Variants in TEX14 observed in about 807,000 individuals in gnomAD.
TEX14 encodes testis expressed 14, intercellular bridge forming factor.
Under a neutral mutation model 178.6 loss-of-function variants are expected in TEX14, and 168 were observed. The observed-to-expected ratio is 0.94, with a 90% confidence interval of 0.83 to 1.07. The LOEUF (loss-of-function observed/expected upper bound fraction) is 1.07. Ranked by LOEUF, TEX14 falls within the 50% of genes least tolerant of loss-of-function variation. TEX14 has a pLI of 0.00. For missense variants in TEX14, 1,730 were observed against 1,753.6 expected, an observed-to-expected ratio of 0.99 and a Z score of 0.24; for synonymous variants, 626 against 634.1, an observed-to-expected ratio of 0.99 and a Z score of 0.19.
chr17:58,632,555 T>C (rs2046346261), intron 2 of TEX14, among the ~76,000 whole-genome samples: 1 of 152,144 alleles, frequency 6.6e-6, no homozygotes, highest in East Asian at 1.9e-4. Flanking sequence ...AGCTTCCCAT[T>C]TGTTAAGGTA....
At chr17:58,562,515 T>C (rs1184109135) in intron 28 of TEX14, among the ~76,000 whole-genome samples, 2 of 151,818 alleles carry the variant, frequency 1.3e-5, no homozygotes. Flanking sequence ...TAATTTTCTT[T>C]TTTTTTTTTG....
At chr17:58,629,362 G>A (rs1253770573) in intron 3 of TEX14, among the ~76,000 whole-genome samples, 1 of 151,402 alleles carries the variant, frequency 6.6e-6, no homozygotes, top group Non-Finnish European at 1.5e-5. Context: ...GCTGAGGCAG[G>A]AGAATTGCTT....
In TEX14 at chr17:58,611,137, A is replaced by G. The variant is rs758628345; in HGVS notation, c.1184+24T>C. On this transcript the variant is annotated intron_variant, in intron 10 of 31. Coordinates refer to ENST00000349033, the MANE Select transcript of TEX14 (RefSeq NM_031272.5). ...CCAAGGGAGATCAACTTCAGGAGAA[A>G]GTCCCACTCCATGTTATGCCCACCT... 3 of 1,593,074 alleles carry G rather than the reference A, an allele frequency of 1.9e-6. No individual in the cohort carries two copies. In the East Asian group the frequency reaches 6.7e-5, roughly 36 times the overall value.
At position 58,659,264 on chromosome 17, in the gene TEX14, T is replaced by C. The variant is rs113362739; in HGVS notation, c.-1-7262A>G. The stretch of plus-strand genomic sequence containing the variant: ...AAAAACCCTCCCCCAAGAAAAACAC[T>C]TTATCAGGACCAACAGCGTCTCTCC... On this transcript the variant is annotated intron_variant, in intron 1 of 31. Coordinates refer to ENST00000349033, the MANE Select transcript of TEX14 (RefSeq NM_031272.5). The C allele has an allele frequency of 3.5e-5, 29 of 832,928 alleles. 1 individual carries two copies. The African/African-American group carries it at 4.1e-4, about 12-fold the overall frequency. 51.6% of individuals were successfully genotyped at this position (832,928 alleles called of 1,614,324 possible). A position where few individuals can be genotyped will look rare whatever the true frequency, so the allele number is the denominator to read the frequency against.
intron 19 of TEX14, among the ~76,000 whole-genome samples, chr17:58,583,825 T>C (rs143007881): frequency 6.6e-6 from 1 of 152,230 alleles, no homozygotes; most frequent in Non-Finnish European, 1.5e-5. Flanking sequence ...TCATATGCCA[T>C]GATTAAATAC....
chr17:58,670,649 T>A (rs759427488), intron 1 of TEX14, among the ~76,000 whole-genome samples: 11 of 151,536 alleles, frequency 7.3e-5, no homozygotes, highest in Non-Finnish European at 1.5e-4. Context: ...GGCAGGCACC[T>A]GTAATCCCAG....
Position 58,569,049 on chromosome 17 carries a change from G to A in TEX14, c.3886+143C>T. On this transcript the variant is annotated intron_variant, in intron 26 of 31. Coordinates refer to ENST00000349033, the MANE Select transcript of TEX14 (RefSeq NM_031272.5). The surrounding 1 kb of genome is among the most constrained non-coding windows in gnomAD (Gnocchi z 4.1). ...CAAAACTGCCCCTTCCTAAATTTTG[G>A]AAAACTGCCCCTTCCTATATTCAAC... 3 of 594,416 alleles carry A rather than the reference G, an allele frequency of 5.0e-6. No individual in the cohort carries two copies. The highest frequency in any genetic ancestry group is 8.2e-6 in the Non-Finnish European group (3 of 366,748). 36.8% of individuals were successfully genotyped at this position (594,416 alleles called of 1,614,324 possible).
intron 1 of TEX14, among the ~76,000 whole-genome samples, chr17:58,688,709 G>C (rs1388428643): frequency 6.6e-6 from 1 of 152,056 alleles, no homozygotes. Flanking sequence ...ATCCAAATCT[G>C]TGTGACTCCG....
At chr17:58,631,367 G>A (rs1338154958) in intron 2 of TEX14, among the ~76,000 whole-genome samples, 1 of 152,098 alleles carries the variant, frequency 6.6e-6, no homozygotes, top group Non-Finnish European at 1.5e-5. Flanking sequence ...ACTGAAGCAT[G>A]AGGACTGCTT....
intron 10 of TEX14, among the ~76,000 whole-genome samples, chr17:58,607,012 C>CA (rs35155837): frequency 0.062 from 5,615 of 90,978 alleles, 312 homozygotes; most frequent in African/African-American, 0.15. Context: ...GCTACTGTCT[C>CA]AAAAAAAAAA....
chr17:58,617,507 C>A, intron 6 of TEX14, 31 bp downstream of exon 6: 1 of 1,561,546 alleles, frequency 6.4e-7, no homozygotes, highest in Non-Finnish European at 8.8e-7. Context: ...GTTAGTCCTG[C>A]AAACACTGGC....
At chr17:58,617,011 G>A (rs1268061933) in intron 6 of TEX14, among the ~76,000 whole-genome samples, 1 of 152,234 alleles carries the variant, frequency 6.6e-6, no homozygotes, top group Non-Finnish European at 1.5e-5. Flanking sequence ...AGCACTTTGA[G>A]AGGTCAAGGC....
At chr17:58,671,735 A>T (rs1471482383) in intron 1 of TEX14, among the ~76,000 whole-genome samples, 3 of 152,118 alleles carry the variant, frequency 2.0e-5, no homozygotes, top group African/African-American at 4.8e-5. Context: ...AATATATTTT[A>T]AAAACTCGTT....
At chr17:58,579,308 T>C (rs1376510776) in intron 20 of TEX14, among the ~76,000 whole-genome samples, 1 of 152,230 alleles carries the variant, frequency 6.6e-6, no homozygotes, top group East Asian at 1.9e-4. Context: ...GCTATGTAGC[T>C]TGGGCAAATC....
intron 21 of TEX14, among the ~76,000 whole-genome samples, chr17:58,575,241 A>C (rs867097426): frequency 1.3e-5 from 2 of 151,868 alleles, no homozygotes; most frequent in African/African-American, 4.8e-5. Flanking sequence ...CAGCCTCCCA[A>C]GTAGCTGGCA....
Position 58,570,410 on chromosome 17 carries a change from G to A in TEX14, c.3792C>T (p.Ala1264=). Residue 1264 remains alanine (A), a synonymous_variant, in exon 25 of 32, where the codon GCC becomes GCT. Coordinates refer to ENST00000349033, the MANE Select transcript of TEX14 (RefSeq NM_031272.5). Reference sequence around the variant, plus strand: ...CTTTAGGCAGGCTCCTTCTCTGGGTGGCATGGGGTGGTGATGAGTCACATG... The same window carrying A: ...CTTTAGGCAGGCTCCTTCTCTGGGTAGCATGGGGTGGTGATGAGTCACATG... ...VKACDSSPPH[A]TQRRSLPKVE... is the part of the protein sequence containing the mutation. 6.6e-7 allele frequency: 1 copy of A among 1,519,200 alleles called. No homozygotes were observed. Among genetic ancestry groups the A allele is most frequent in the Non-Finnish European group, 8.7e-7 (1 of 1,146,202 alleles). The allele number at this position is 1,519,200 out of a possible 1,614,324, so 94.1% of individuals were successfully genotyped here.
At chr17:58,607,537 T>C (rs1397089504) in intron 10 of TEX14, among the ~76,000 whole-genome samples, 1 of 152,226 alleles carries the variant, frequency 6.6e-6, no homozygotes, top group Non-Finnish European at 1.5e-5. Flanking sequence ...ACCAATCAAT[T>C]GGGTAACTTC....
intron 1 of TEX14, among the ~76,000 whole-genome samples, chr17:58,669,252 TGAGGCAGAAGAATGGCTTGAACCCAG>T (rs1478681344): frequency 1.3e-5 from 2 of 151,632 alleles, no homozygotes; most frequent in African/African-American, 4.9e-5. Context: ...CTCAGGAGGC[TGAGGCAGAAGAATGGCTTGAACCCAG>T]GAGGCAGAGG....
chr17:58,634,066 A>G (rs2046380913), intron 2 of TEX14, among the ~76,000 whole-genome samples: 1 of 152,134 alleles, frequency 6.6e-6, no homozygotes, highest in Non-Finnish European at 1.5e-5. Context: ...AGGAAGGTTA[A>G]AAGTTTCAAA....
Sources: gnomAD v4.1 joint callset for allele counts (sites outside exome capture counted in the v4.1 genomes callset) on GRCh38, gnomAD v4.1.1 for gene constraint, Gnocchi (gnomAD v3.1) non-coding constraint, MANE v1.5 for transcripts, NCBI Gene and HGNC (gene_info 2026-07-23, HGNC 2026-07-21) for gene names.